LHPP: variants seen among roughly 807,000 people sequenced by gnomAD.
LHPP encodes the protein hLHPP.
Under a neutral mutation model 30.3 loss-of-function variants are expected in LHPP, and 24 were observed. That is an observed-to-expected ratio of 0.79 (90% CI 0.57 to 1.11). The LOEUF (loss-of-function observed/expected upper bound fraction) is 1.11. LHPP is among the 50% of genes most tolerant of loss of function. The pLI is 0.00. For missense variants in LHPP, 356 were observed against 367.2 expected, an observed-to-expected ratio of 0.97 and a Z score of 0.25; for synonymous variants, 150 against 157.1, an observed-to-expected ratio of 0.95 and a Z score of 0.34.
chr10:124,594,329 C>CAAAAAAAAAAAAA (rs71026102), intron 6 of LHPP, among the ~76,000 whole-genome samples: 1 of 75,344 alleles, frequency 1.3e-5, no homozygotes, highest in Non-Finnish European at 2.2e-5. Flanking sequence ...GACTCCATCT[C>CAAAAAAAAAAAAA]AAAAAAAAAA....
chr10:124,605,034 C>T (rs912375120), intron 6 of LHPP, among the ~76,000 whole-genome samples: 5 of 152,358 alleles, frequency 3.3e-5, no homozygotes, highest in East Asian at 1.9e-4. Flanking sequence ...TGCTGGCCTG[C>T]GTGTGCCCTG....
At chr10:124,526,749 G>A (rs920298608) in intron 6 of LHPP, among the ~76,000 whole-genome samples, 5 of 152,200 alleles carry the variant, frequency 3.3e-5, no homozygotes, top group African/African-American at 7.2e-5. Context: ...AGAGCCTGGC[G>A]GAGATGTGAC....
At chr10:124,597,411 C>T (rs1368995521) in intron 6 of LHPP, among the ~76,000 whole-genome samples, 2 of 152,230 alleles carry the variant, frequency 1.3e-5, no homozygotes, top group South Asian at 2.1e-4. Flanking sequence ...ATATTGGTGT[C>T]ACCACCCAGG....
At chr10:124,555,203 G>A (rs1564828279) in intron 6 of LHPP, among the ~76,000 whole-genome samples, 1 of 152,206 alleles carries the variant, frequency 6.6e-6, no homozygotes, top group Non-Finnish European at 1.5e-5. Flanking sequence ...TGAGGGGTGA[G>A]TGTGTCAATG....
chr10:124,600,498 A>G (rs1949007283), intron 6 of LHPP, among the ~76,000 whole-genome samples: 1 of 152,144 alleles, frequency 6.6e-6, no homozygotes, highest in South Asian at 2.1e-4. Flanking sequence ...ATGTGGGGAG[A>G]GGTTGTTCCA....
intron 6 of LHPP, among the ~76,000 whole-genome samples, chr10:124,524,038 T>C (rs897854509): frequency 6.6e-6 from 1 of 152,188 alleles, no homozygotes; most frequent in Admixed American, 6.5e-5. Flanking sequence ...TGTACACTTT[T>C]TTCTTTTGTC....
At chr10:124,527,872 C>G (rs778315383) in intron 6 of LHPP, among the ~76,000 whole-genome samples, 20 of 152,108 alleles carry the variant, frequency 1.3e-4, no homozygotes, top group Non-Finnish European at 2.6e-4. Context: ...CCTGGAACTC[C>G]TGGGCACAAG....
chr10:124,468,516 C>A (rs759001623), intron 1 of LHPP, among the ~76,000 whole-genome samples: 5 of 152,170 alleles, frequency 3.3e-5, no homozygotes, highest in Admixed American at 1.3e-4. Flanking sequence ...GGTCTCTCAA[C>A]CCCATGGGCT....
chr10:124,471,763 ATT>A (rs1406411256), intron 1 of LHPP, among the ~76,000 whole-genome samples: 1 of 103,354 alleles, frequency 9.7e-6, no homozygotes, highest in Non-Finnish European at 1.9e-5. Flanking sequence ...ATATATATAT[ATT>A]TATATATAAA....
intron 6 of LHPP, among the ~76,000 whole-genome samples, chr10:124,601,592 C>T (rs897294): frequency 0.42 from 64,261 of 152,118 alleles, 13,851 homozygotes; most frequent in East Asian, 0.46. Context: ...TCAGCCCCTG[C>T]GGTGCCCGCA....
chr10:124,480,865 T>C (rs1953102603), intron 1 of LHPP, among the ~76,000 whole-genome samples: 2 of 152,202 alleles, frequency 1.3e-5, no homozygotes, highest in Non-Finnish European at 2.9e-5. Flanking sequence ...TCTTCCTAAA[T>C]TGCACCTGTC....
At chr10:124,568,059 G>A (rs1249516691) in intron 6 of LHPP, among the ~76,000 whole-genome samples, 2 of 152,106 alleles carry the variant, frequency 1.3e-5, no homozygotes, top group African/African-American at 4.8e-5. Context: ...GACTACAGGC[G>A]CGTGCCACCA....
chr10:124,488,560 T>C lies in LHPP; in HGVS notation c.452T>C (p.Ile151Thr). ...ATGGAGCTGGAAAAACCTGTGCTCA[T>C]ATCACTGGGAAAAGGGTAAGTTGGC... ...VLMELEKPVL[I>T]SLGKGRYYKE... The change falls in exon 3 of 7, where the codon ATA becomes ACA. Residue 151 changes from isoleucine to threonine, a missense_variant. Physicochemically the swap from Ile to Thr is moderately conservative, Grantham distance 89. Coordinates refer to ENST00000368842, the MANE Select transcript of LHPP (RefSeq NM_022126.4). The C allele has an allele frequency of 6.2e-7, 1 of 1,611,804 alleles. No homozygotes were observed. The highest frequency in any genetic ancestry group is 8.5e-7 in the Non-Finnish European group (1 of 1,179,442).
At chr10:124,599,823 C>G (rs1026945644) in intron 6 of LHPP, among the ~76,000 whole-genome samples, 1 of 152,242 alleles carries the variant, frequency 6.6e-6, no homozygotes, top group Admixed American at 6.5e-5. Flanking sequence ...GCCATCCACT[C>G]TGGGGGTGCT....
chr10:124,594,128 C>T (rs1451198426), intron 6 of LHPP, among the ~76,000 whole-genome samples: 1 of 151,978 alleles, frequency 6.6e-6, no homozygotes, highest in East Asian at 1.9e-4. Flanking sequence ...AGGAGTTCAA[C>T]ACCAGCCTGG....
intron 6 of LHPP, chr10:124,605,111 G>T (rs935389026): frequency 1.3e-5 from 2 of 152,470 alleles, no homozygotes; most frequent in South Asian, 4.1e-4. Flanking sequence ...ATTTTCCTTC[G>T]ATTGGTACAA....
intron 1 of LHPP, 72 bp downstream of exon 1, chr10:124,462,059 G>T: frequency 8.6e-7 from 1 of 1,169,066 alleles, no homozygotes; most frequent in Non-Finnish European, 1.1e-6. Flanking sequence ...TGCCGGCAGG[G>T]GGCGGGGCGG....
chr10:124,477,515 C>T (rs1482343006), intron 1 of LHPP, among the ~76,000 whole-genome samples: 2 of 152,200 alleles, frequency 1.3e-5, no homozygotes, highest in African/African-American at 4.8e-5. Context: ...AACCCTCCAC[C>T]CCTTTGCCCT....
intron 3 of LHPP, among the ~76,000 whole-genome samples, chr10:124,493,518 T>C (rs1385739606): frequency 2.0e-5 from 3 of 152,218 alleles, no homozygotes; most frequent in Non-Finnish European, 2.9e-5. Flanking sequence ...AGAGTGGGAA[T>C]TGGCTTTGTA....
Sources: allele counts gnomAD v4.1 joint callset (sites outside exome capture counted in the v4.1 genomes callset), GRCh38; gene constraint gnomAD v4.1.1; transcripts MANE v1.5; gene names NCBI Gene and HGNC (gene_info 2026-07-23, HGNC 2026-07-21).